LINGO2: variants seen among roughly 807,000 people sequenced by gnomAD.
LINGO2 encodes leucine-rich repeat and immunoglobulin-like domain-containing nogo receptor-interacting protein 2.
In LINGO2, 14 loss-of-function variants were observed where a neutral mutation model predicts 30.6. The observed-to-expected ratio is 0.46, with a 90% CI of 0.30 to 0.72. LINGO2 has a LOEUF of 0.72. LINGO2 is among the 30% of genes least tolerant of loss of function. The pLI is 0.07. For missense variants in LINGO2, 729 were observed against 751.7 expected (o/e 0.97, Z 0.35); for synonymous variants, 317 against 288.5 (o/e 1.10, Z -1.00).
chr9:29,170,007 A>C, the LINGO2 span, among the ~76,000 whole-genome samples: 37 of 152,238 alleles, frequency 2.4e-4, 1 homozygote, highest in East Asian at 6.0e-3. Flanking sequence ...CAAACAAACA[A>C]AAAACAACAA....
chr9:28,864,344 A>G, the LINGO2 span, among the ~76,000 whole-genome samples: 9 of 152,134 alleles, frequency 5.9e-5, no homozygotes, highest in African/African-American at 1.7e-4. Flanking sequence ...AAGAATGTTT[A>G]TAAAACTAAA....
chr9:28,244,858 C>A (rs1217057054), intron 4 of LINGO2, among the ~76,000 whole-genome samples: 2 of 149,712 alleles, frequency 1.3e-5, no homozygotes, highest in African/African-American at 2.4e-5. Flanking sequence ...GGATTCACAG[C>A]CAAATTCTAC....
chr9:29,176,498 T>C, the LINGO2 span, among the ~76,000 whole-genome samples: 1 of 152,196 alleles, frequency 6.6e-6, no homozygotes, highest in Non-Finnish European at 1.5e-5. Flanking sequence ...GGGCTAAGAA[T>C]AGGACTAAGA....
intron 4 of LINGO2, among the ~76,000 whole-genome samples, chr9:28,107,993 A>C (rs1826648426): frequency 6.6e-6 from 1 of 152,172 alleles, no homozygotes; most frequent in Non-Finnish European, 1.5e-5. Context: ...GAGTTGTTAT[A>C]AAAGGAACAC....
intron 2 of LINGO2, among the ~76,000 whole-genome samples, chr9:28,466,306 C>A (rs1369854957): frequency 6.6e-6 from 1 of 152,160 alleles, no homozygotes; most frequent in Non-Finnish European, 1.5e-5. Context: ...CTGATCCCAT[C>A]ATTTGCAGTG....
rs529053263 is a variant in LINGO2, at chr9:28,497,691, G to A, written c.-364-21666C>T. Among the ~76,000 whole-genome samples the A allele has an allele frequency of 5.9e-5, 9 of 152,218 alleles. No individual in the cohort carries two copies. The South Asian group carries it at 8.3e-4, about 14-fold the overall frequency. On this transcript the variant is annotated intron_variant, in intron 1 of 5. Coordinates refer to ENST00000379992, the Ensembl canonical transcript of LINGO2. ...GTCATTCTCCATCCAGCTTTGTTCC[G>A]TTGCTGGTGAGGAGTTGCATTCCTT...
exon 6 of LINGO2, chr9:27,949,282 C>G: frequency 6.2e-7 from 1 of 1,614,088 alleles, no homozygotes; most frequent in Non-Finnish European, 8.5e-7. Context: ...GTGCCATCAC[C>G]CAACACGGTG....
chr9:28,339,126 A>G (rs1825683506), intron 3 of LINGO2, among the ~76,000 whole-genome samples: 1 of 152,110 alleles, frequency 6.6e-6, no homozygotes, highest in Non-Finnish European at 1.5e-5. Flanking sequence ...GTCATAACAA[A>G]ATGTCCTTAT....
the LINGO2 span, among the ~76,000 whole-genome samples, chr9:28,677,955 C>G: frequency 6.6e-6 from 1 of 151,800 alleles, no homozygotes; most frequent in East Asian, 1.9e-4. Context: ...TACATGTTAT[C>G]ATTATTACTG....
At chr9:28,616,452 A>G (rs1826135386) in intron 1 of LINGO2, among the ~76,000 whole-genome samples, 3 of 152,182 alleles carry the variant, frequency 2.0e-5, no homozygotes, top group Admixed American at 1.3e-4. Flanking sequence ...AGGTGACAAA[A>G]GATGGTTGAG....
intron 2 of LINGO2, among the ~76,000 whole-genome samples, chr9:28,442,445 T>C (rs979567580): frequency 3.3e-5 from 5 of 152,180 alleles, no homozygotes; most frequent in African/African-American, 1.2e-4. Flanking sequence ...GCCATGTAAA[T>C]GTGTACAATT....
intron 5 of LINGO2, among the ~76,000 whole-genome samples, chr9:27,968,948 C>G (rs1369097644): frequency 6.6e-6 from 1 of 151,470 alleles, no homozygotes; most frequent in Admixed American, 6.6e-5. Context: ...GAGAGAAGAT[C>G]AAATATGTAT....
chr9:28,486,149 A>T (rs1395775215), intron 1 of LINGO2, among the ~76,000 whole-genome samples: 1 of 152,138 alleles, frequency 6.6e-6, no homozygotes, highest in African/African-American at 2.4e-5. Flanking sequence ...TCTAATGCTG[A>T]TTTGAAATCC....
At chr9:27,976,127 C>T (rs1820581161) in intron 5 of LINGO2, among the ~76,000 whole-genome samples, 2 of 152,228 alleles carry the variant, frequency 1.3e-5, no homozygotes, top group African/African-American at 2.4e-5. Flanking sequence ...CTAACAGTAC[C>T]TACTTCATAA....
At chr9:28,419,435 A>G (rs866126375) in intron 2 of LINGO2, among the ~76,000 whole-genome samples, 14 of 152,104 alleles carry the variant, frequency 9.2e-5, no homozygotes, top group South Asian at 8.3e-4. Context: ...AAATAGATTC[A>G]GAGGGGTTAT....
At chr9:28,525,837 C>A (rs1047874599) in intron 1 of LINGO2, among the ~76,000 whole-genome samples, 2 of 152,018 alleles carry the variant, frequency 1.3e-5, no homozygotes, top group East Asian at 3.9e-4. Context: ...GGGCGGATCA[C>A]GAGGTCAGGA....
chr9:28,873,783 C>T, the LINGO2 span, among the ~76,000 whole-genome samples: 2 of 152,098 alleles, frequency 1.3e-5, no homozygotes, highest in Admixed American at 1.3e-4. Flanking sequence ...AGTTCTCAAA[C>T]CTGTTTATGC....
chr9:28,412,397 T>A (rs952016014), intron 2 of LINGO2, among the ~76,000 whole-genome samples: 2 of 152,022 alleles, frequency 1.3e-5, no homozygotes, highest in Non-Finnish European at 2.9e-5. Context: ...GGGTTGTTTA[T>A]CTGAAAGCCC....
At chr9:28,611,779 C>A (rs1034197337) in intron 1 of LINGO2, among the ~76,000 whole-genome samples, 1 of 151,404 alleles carries the variant, frequency 6.6e-6, no homozygotes, top group Non-Finnish European at 1.5e-5. Flanking sequence ...CATATGAATG[C>A]CACATTTTCT....
Sources: gnomAD v4.1 joint callset for allele counts (sites outside exome capture counted in the v4.1 genomes callset) on GRCh38, gnomAD v4.1.1 for gene constraint, MANE v1.5 for transcripts, NCBI Gene and HGNC (gene_info 2026-07-23, HGNC 2026-07-21) for gene names.